The following CTDSPL variants were observed in gnomAD, a reference collection of about 807,000 sequenced individuals.
The protein encoded by CTDSPL is CTD small phosphatase like.
A neutral mutation model predicts 30.5 loss-of-function variants in CTDSPL; 8 were observed. The observed-to-expected ratio is 0.26, with a 90% CI of 0.15 to 0.47. The LOEUF (loss-of-function observed/expected upper bound fraction) is 0.47. Ranked by LOEUF, CTDSPL falls within the 20% of genes least tolerant of loss-of-function variation. The pLI is 0.99. For missense variants in CTDSPL, 248 were observed against 366.1 expected (o/e 0.68, Z 2.63); for synonymous variants, 110 against 137.9 (o/e 0.80, Z 1.42).
chr3:37,974,548 A>C (rs1221323632), intron 6 of CTDSPL, among the ~76,000 whole-genome samples: 1 of 152,170 alleles, frequency 6.6e-6, no homozygotes, highest in African/African-American at 2.4e-5. Flanking sequence ...TGTTTCTTCC[A>C]GGCCTAGCCA....
Position 37,921,607 on chromosome 3 carries a change from C to CCACACACACACA in CTDSPL, c.80-25424_80-25413dup, listed in dbSNP as rs58395906. ...TCGATATAAGAAACAACCCTAACTA[C>CCACACACACACA]CACACACACACACACACACACACAC... On this transcript the variant is annotated intron_variant, in intron 1 of 7. Transcript: ENST00000273179. 1.9e-3 allele frequency among the ~76,000 whole-genome samples: 286 copies of CCACACACACACA among 147,742 alleles called. 1 individual carries two copies. The highest frequency in any genetic ancestry group is 6.9e-3 in the African/African-American group (275 of 39,900).
intron 1 of CTDSPL, among the ~76,000 whole-genome samples, chr3:37,915,426 A>G (rs912308957): frequency 6.6e-5 from 10 of 152,052 alleles, no homozygotes; most frequent in Non-Finnish European, 1.5e-4. Flanking sequence ...TTATATATCT[A>G]TTAGTCCTGC....
At position 37,975,062 on chromosome 3, in the gene CTDSPL, T is replaced by C. The variant is rs967470561; in HGVS notation, c.520-647T>C. 8.6e-5 allele frequency among the ~76,000 whole-genome samples: 13 copies of C among 151,996 alleles called. No homozygotes were observed. The highest frequency in any genetic ancestry group is 8.8e-5 in the Non-Finnish European group (6 of 67,986). Reference sequence around the variant, plus strand: ...AAAGGAAGATAGATGTGGCTCTAGGTGGATGGGAGAGGAAGTCAAGACCTG... The same window carrying C: ...AAAGGAAGATAGATGTGGCTCTAGGCGGATGGGAGAGGAAGTCAAGACCTG... On this transcript the variant is annotated intron_variant, in intron 6 of 7. Coordinates refer to ENST00000273179, the MANE Select transcript of CTDSPL (RefSeq NM_001008392.2). The surrounding 1 kb of genome is among the most constrained non-coding windows in gnomAD (Gnocchi z 4.9).
intron 1 of CTDSPL, among the ~76,000 whole-genome samples, chr3:37,943,921 G>C (rs1168410324): frequency 6.7e-6 from 1 of 150,270 alleles, no homozygotes; most frequent in Non-Finnish European, 1.5e-5. Flanking sequence ...TTTTGAGTTT[G>C]GTGGGTATGT....
chr3:37,910,673 T>C (rs1698573178), intron 1 of CTDSPL, among the ~76,000 whole-genome samples: 1 of 152,224 alleles, frequency 6.6e-6, no homozygotes, highest in Non-Finnish European at 1.5e-5. Flanking sequence ...CTATAAAATA[T>C]TATAAAATCA....
At chr3:37,970,232 G>A (rs998687466) in intron 5 of CTDSPL, among the ~76,000 whole-genome samples, 1 of 152,172 alleles carries the variant, frequency 6.6e-6, no homozygotes, top group African/African-American at 2.4e-5. Context: ...ACTCCTTCAA[G>A]GTCCAGGCCA....
Position 37,975,731 on chromosome 3 carries a change from T to A in CTDSPL, c.542T>A (p.Leu181His). The A allele has an allele frequency of 6.2e-7, 1 of 1,614,018 alleles. No individual in the cohort carries two copies. Among genetic ancestry groups the A allele is most frequent in the Non-Finnish European group, 8.5e-7 (1 of 1,179,956 alleles). ...LAKYADPVAD[L>H]LDRWGVFRAR... ...CAGTATGCAGACCCTGTGGCTGACC[T>A]CCTAGACCGCTGGGGTGTGTTCCGG... The change falls in exon 7 of 8, where the codon CTC becomes CAC. Residue 181 changes from leucine (L) to histidine (H), a missense_variant. Leu to His is a moderately conservative substitution (Grantham distance 99). Coordinates refer to ENST00000273179, the MANE Select transcript of CTDSPL (RefSeq NM_001008392.2). This position sits in a 1 kb window ranked among gnomAD's most constrained non-coding sequence, Gnocchi z 4.9.
chr3:37,975,974 C>A lies in CTDSPL; in HGVS notation c.705+80C>A. ...CCAGGCAGGTACCACTTTTGAGCACCTACACAAGAAGGTCTCTGGGCCTTT... is the reference window on the plus strand; with the variant it reads ...CCAGGCAGGTACCACTTTTGAGCACATACACAAGAAGGTCTCTGGGCCTTT... On this transcript the variant is annotated intron_variant, in intron 7 of 7. Coordinates refer to ENST00000273179, the MANE Select transcript of CTDSPL (RefSeq NM_001008392.2). This position sits in a 1 kb window ranked among gnomAD's most constrained non-coding sequence, Gnocchi z 4.9. The A allele has an allele frequency of 6.9e-7, 1 of 1,448,578 alleles. No individual in the cohort carries two copies. Among genetic ancestry groups the A allele is most frequent in the Non-Finnish European group, 9.4e-7 (1 of 1,058,582 alleles). The allele number at this position is 1,448,578 out of a possible 1,614,324, so 89.7% of individuals were successfully genotyped here.
chr3:37,984,129 G>C lies in CTDSPL; in HGVS notation c.*3262G>C, dbSNP rs1575329925. The C allele has an allele frequency of 2.2e-6, 1 of 446,976 alleles. No individual in the cohort carries two copies. Among genetic ancestry groups the C allele is most frequent in the Non-Finnish European group, 4.6e-6 (1 of 218,962 alleles). The allele number at this position is 446,976 out of a possible 1,614,324, so 27.7% of individuals were successfully genotyped here. On this transcript the variant is annotated 3_prime_UTR_variant, in exon 8 of 8. Coordinates refer to ENST00000273179, the MANE Select transcript of CTDSPL (RefSeq NM_001008392.2). The stretch of plus-strand genomic sequence containing the variant: ...CTGTGCTGGACAGTTGGCATGCCAG[G>C]GTTCGAGAAGAGTGAATGGCTTGAC...
chr3:37,872,565 C>CTT (rs1559621233), intron 1 of CTDSPL, among the ~76,000 whole-genome samples: 3 of 73,540 alleles, frequency 4.1e-5, no homozygotes, highest in African/African-American at 1.1e-4. Context: ...TTTTTAAATT[C>CTT]TTTTATCTTT....
intron 1 of CTDSPL, among the ~76,000 whole-genome samples, chr3:37,897,784 C>T (rs573912416): frequency 1.3e-3 from 191 of 152,102 alleles, no homozygotes; most frequent in Non-Finnish European, 2.3e-3. Flanking sequence ...AAAAGTTGTA[C>T]GATATGGGAA....
At chr3:37,906,927 T>G (rs1442950045) in intron 1 of CTDSPL, among the ~76,000 whole-genome samples, 3 of 151,306 alleles carry the variant, frequency 2.0e-5, no homozygotes, top group Admixed American at 2.0e-4. Context: ...CGAAGGCGTC[T>G]GTGTTCAAAC....
At chr3:37,867,733 G>A (rs1028377310) in intron 1 of CTDSPL, among the ~76,000 whole-genome samples, 4 of 152,206 alleles carry the variant, frequency 2.6e-5, no homozygotes, top group Non-Finnish European at 4.4e-5. Flanking sequence ...GTCCCCTAAC[G>A]CTAACGTCTT....
At chr3:37,880,519 G>A (rs1327100748) in intron 1 of CTDSPL, among the ~76,000 whole-genome samples, 1 of 150,634 alleles carries the variant, frequency 6.6e-6, no homozygotes, top group Non-Finnish European at 1.5e-5. Context: ...TATAATGCAC[G>A]TTATTTTGTT....
chr3:37,903,039 T>C (rs1395023198), intron 1 of CTDSPL, among the ~76,000 whole-genome samples: 1 of 152,208 alleles, frequency 6.6e-6, no homozygotes, highest in Non-Finnish European at 1.5e-5. Flanking sequence ...TGTTTGAGAC[T>C]GTTTGAGGCT....
In CTDSPL at chr3:37,862,177, G is replaced by T; in HGVS notation, c.-23G>T. On this transcript the variant is annotated 5_prime_UTR_variant, in exon 1 of 8. Transcript: ENST00000273179. This position sits in a 1 kb window ranked among gnomAD's most constrained non-coding sequence, Gnocchi z 4.3. Reference sequence around the variant, plus strand: ...TGGCTTGCGGGGGGCCGGGCCTGCGGGCGGCCGCCGCGCCGCGCACCCATG... The same window carrying T: ...TGGCTTGCGGGGGGCCGGGCCTGCGTGCGGCCGCCGCGCCGCGCACCCATG... 1 of 1,135,956 alleles carries T rather than the reference G, an allele frequency of 8.8e-7. No individual in the cohort carries two copies. The highest frequency in any genetic ancestry group is 3.7e-4 in the Middle Eastern group (1 of 2,686). The allele number at this position is 1,135,956 out of a possible 1,614,324, so 70.4% of individuals were successfully genotyped here. A position where few individuals can be genotyped will look rare whatever the true frequency, so the allele number is the denominator to read the frequency against.
intron 1 of CTDSPL, among the ~76,000 whole-genome samples, chr3:37,904,088 G>A (rs1575290709): frequency 1.3e-5 from 2 of 152,220 alleles, no homozygotes; most frequent in South Asian, 2.1e-4. Context: ...ATAGTAAATC[G>A]TAACATGAAG....
intron 3 of CTDSPL, among the ~76,000 whole-genome samples, chr3:37,960,523 TATATATATATATACACAC>T (rs1198411071): frequency 5.0e-5 from 3 of 59,684 alleles, no homozygotes; most frequent in African/African-American, 1.4e-4. Context: ...TATATATATA[TATATATATATATACACAC>T]ACACACACAC....
intron 2 of CTDSPL, chr3:37,954,780 C>G (rs1699150788): frequency 6.6e-6 from 1 of 152,292 alleles, no homozygotes; most frequent in Admixed American, 6.5e-5. Flanking sequence ...CCTCCAGGGG[C>G]TGGGAGGAGT....
Sources: allele counts gnomAD v4.1 joint callset (sites outside exome capture counted in the v4.1 genomes callset), GRCh38; gene constraint gnomAD v4.1.1; non-coding constraint Gnocchi (gnomAD v3.1); transcripts MANE v1.5; gene names NCBI Gene and HGNC (gene_info 2026-07-23, HGNC 2026-07-21).